Variants in PRDM2 observed in about 807,000 individuals in gnomAD.
The protein encoded by PRDM2 is PR/SET domain 2, also known as PR domain zinc finger protein 2.
PRDM2 carries 30 observed loss-of-function variants against 130.0 expected under a neutral mutation model. The ratio of observed to expected loss-of-function variants is 0.23; its 90% CI spans 0.17 to 0.31. PRDM2 has a LOEUF of 0.31. PRDM2 is among the 10% of genes least tolerant of loss of function. The probability of loss-of-function intolerance (pLI) is 1.00; values close to 1 mark genes in which losing one functional copy is unlikely to be tolerated. For missense variants in PRDM2, 2,011 were observed against 2,108.4 expected, an observed-to-expected ratio of 0.95 and a Z score of 0.90; for synonymous variants, 871 against 782.4, an observed-to-expected ratio of 1.11 and a Z score of -1.89.
At chr1:13,752,072 A>G (rs377413724) in intron 6 of PRDM2, among the ~76,000 whole-genome samples, 3 of 152,192 alleles carry the variant, frequency 2.0e-5, no homozygotes, top group African/African-American at 2.4e-5. Flanking sequence ...GCAAAAAAGC[A>G]GCGGCGACTC....
At chr1:13,740,525 G>C (rs1372016882) in intron 4 of PRDM2, among the ~76,000 whole-genome samples, 4 of 152,200 alleles carry the variant, frequency 2.6e-5, no homozygotes, top group African/African-American at 9.6e-5. Flanking sequence ...TTACGCAGTA[G>C]GTGCTCATTA....
At chr1:13,794,463 A>AT (rs1200140499) in intron 8 of PRDM2, among the ~76,000 whole-genome samples, 2 of 152,238 alleles carry the variant, frequency 1.3e-5, no homozygotes, top group Admixed American at 1.3e-4. Context: ...GGAGCCTGGC[A>AT]TGTAGTAGCT....
At chr1:13,763,107 G>A (rs1039040683) in intron 6 of PRDM2, among the ~76,000 whole-genome samples, 1 of 152,210 alleles carries the variant, frequency 6.6e-6, no homozygotes, top group African/African-American at 2.4e-5. Flanking sequence ...GCATTTTTAA[G>A]AGAAGCAAAA....
At position 13,806,037 on chromosome 1, in the gene PRDM2, TG is replaced by T. The variant is rs1645080905; in HGVS notation, c.5037-10388del. On this transcript the variant is annotated intron_variant, in intron 8 of 9. Transcript: ENST00000311066. The surrounding 1 kb of genome is among the most constrained non-coding windows in gnomAD (Gnocchi z 4.1). ...TCTCTTGAACTCACTTTCAGGGTTT[TG>T]GCTCTTCTTGAGGAGCCATCAAACC... Among the ~76,000 whole-genome samples, 1 of 152,160 alleles carries T rather than the reference TG, an allele frequency of 6.6e-6. No homozygotes were observed. The highest frequency in any genetic ancestry group is 1.5e-5 in the Non-Finnish European group (1 of 68,016).
At chr1:13,765,851 T>C (rs1364077271) in intron 6 of PRDM2, among the ~76,000 whole-genome samples, 1 of 152,176 alleles carries the variant, frequency 6.6e-6, no homozygotes, top group Non-Finnish European at 1.5e-5. Context: ...AGATTGTAAT[T>C]TTTAAAAATT....
chr1:13,753,742 G>A (rs991297419), intron 6 of PRDM2, among the ~76,000 whole-genome samples: 2 of 152,142 alleles, frequency 1.3e-5, no homozygotes, highest in Admixed American at 1.3e-4. Flanking sequence ...GAGCCTTTAT[G>A]TAGAAAGAGT....
chr1:13,819,701 G>A (rs12081516), intron 9 of PRDM2, among the ~76,000 whole-genome samples: 1 of 152,284 alleles, frequency 6.6e-6, no homozygotes, highest in South Asian at 2.1e-4. Context: ...ACCAGATCAG[G>A]GTGCCACCAT....
At chr1:13,794,115 G>A (rs1644884590) in intron 8 of PRDM2, among the ~76,000 whole-genome samples, 1 of 152,216 alleles carries the variant, frequency 6.6e-6, no homozygotes, top group African/African-American at 2.4e-5. Context: ...CAGAAGAGAT[G>A]GTGAGGTGCA....
chr1:13,744,175 C>G (rs575045411), intron 5 of PRDM2, among the ~76,000 whole-genome samples: 57 of 152,138 alleles, frequency 3.7e-4, no homozygotes, highest in Non-Finnish European at 7.8e-4. Flanking sequence ...GATGCAAATT[C>G]ACAGAAACAC....
intron 4 of PRDM2, among the ~76,000 whole-genome samples, chr1:13,739,846 T>G (rs1643385320): frequency 6.6e-6 from 1 of 152,186 alleles, no homozygotes; most frequent in Non-Finnish European, 1.5e-5. Flanking sequence ...TTTGGGGGAA[T>G]ATCTGTTTTT....
chr1:13,815,263 C>T (rs184905244), intron 8 of PRDM2, among the ~76,000 whole-genome samples: 15 of 55,870 alleles, frequency 2.7e-4, no homozygotes, highest in Admixed American at 1.3e-3. Flanking sequence ...TCCACCACCA[C>T]GCCTGGACAA....
At chr1:13,800,304 A>C (rs150579990) in intron 8 of PRDM2, among the ~76,000 whole-genome samples, 51 of 152,358 alleles carry the variant, frequency 3.3e-4, no homozygotes, top group Non-Finnish European at 6.9e-4. Flanking sequence ...TCTGGAGTGG[A>C]AATGGGGAGT....
chr1:13,777,268 C>T (rs1226413196), intron 7 of PRDM2, among the ~76,000 whole-genome samples: 2 of 152,126 alleles, frequency 1.3e-5, no homozygotes, highest in Non-Finnish European at 2.9e-5. Flanking sequence ...TGCCACCATC[C>T]TGCCTCTCCT....
At chr1:13,747,769 C>CAAAAAAAAAAAAAAAAAA (rs78988090) in intron 5 of PRDM2, among the ~76,000 whole-genome samples, 16 of 48,326 alleles carry the variant, frequency 3.3e-4, no homozygotes, top group East Asian at 6.1e-4. Flanking sequence ...TCCCTCCCCG[C>CAAAAAAAAAAAAAAAAAA]AAAAAAAAAA....
At chr1:13,752,880 G>T (rs147518973) in intron 6 of PRDM2, among the ~76,000 whole-genome samples, 315 of 152,310 alleles carry the variant, frequency 2.1e-3, no homozygotes, top group African/African-American at 7.3e-3. Context: ...TGATGCTTGT[G>T]CCACCTAACC....
At chr1:13,807,938 G>A (rs1001862054) in intron 8 of PRDM2, among the ~76,000 whole-genome samples, 6 of 152,098 alleles carry the variant, frequency 3.9e-5, no homozygotes, top group Admixed American at 6.5e-5. Flanking sequence ...ATCCTTCCCC[G>A]TCCATACAGA....
intron 5 of PRDM2, among the ~76,000 whole-genome samples, chr1:13,742,684 C>A (rs1643483678): frequency 6.6e-6 from 1 of 152,216 alleles, no homozygotes; most frequent in Admixed American, 6.5e-5. Context: ...CACACTGCAT[C>A]TTGAAAGATA....
At chr1:13,724,528 C>T (rs1196334293) in intron 2 of PRDM2, among the ~76,000 whole-genome samples, 2 of 146,036 alleles carry the variant, frequency 1.4e-5, no homozygotes, top group Admixed American at 1.4e-4. Flanking sequence ...GACAGGCTCA[C>T]TCTGTCCCCA....
At chr1:13,798,235 C>T (rs1390833264) in intron 8 of PRDM2, among the ~76,000 whole-genome samples, 1 of 152,200 alleles carries the variant, frequency 6.6e-6, no homozygotes, top group Admixed American at 6.5e-5. Flanking sequence ...AAAGCTACCG[C>T]TCCGCCTCAG....
Sources: allele counts gnomAD v4.1 joint callset (sites outside exome capture counted in the v4.1 genomes callset), GRCh38; gene constraint gnomAD v4.1.1; non-coding constraint Gnocchi (gnomAD v3.1); transcripts MANE v1.5; gene names NCBI Gene and HGNC (gene_info 2026-07-23, HGNC 2026-07-21).